The following AFF1 variants were observed in gnomAD, a reference collection of about 807,000 sequenced individuals.
AFF1 encodes ALF transcription elongation factor 1, also known as AF4/FMR2 family member 1.
AFF1 carries 48 observed loss-of-function variants against 121.7 expected under a neutral mutation model. That is an observed-to-expected ratio of 0.39 (90% CI 0.31 to 0.50). AFF1 has a LOEUF of 0.50. Among genes scored for constraint, AFF1 ranks in the 20% least tolerant of loss-of-function variants. The pLI, the probability that AFF1 is intolerant of heterozygous loss-of-function variation, is 0.76. For missense variants in AFF1, 1,523 were observed against 1,511.7 expected, an observed-to-expected ratio of 1.01 and a Z score of -0.12; for synonymous variants, 613 against 563.0, an observed-to-expected ratio of 1.09 and a Z score of -1.26.
chr4:87,010,951 C>G (rs1019611366), intron 2 of AFF1, among the ~76,000 whole-genome samples: 9 of 151,914 alleles, frequency 5.9e-5, no homozygotes, highest in African/African-American at 1.9e-4. Flanking sequence ...CGGTGGCGGG[C>G]GCCTGTAGTC....
chr4:87,091,966 T>A, intron 7 of AFF1, 137 bp downstream of exon 7: 3 of 672,996 alleles, frequency 4.5e-6, no homozygotes, highest in Non-Finnish European at 7.7e-6. Context: ...GGAGAACAAA[T>A]ATAAAACTAT....
rs142147018 is a variant in AFF1, at chr4:87,126,804, G to A, written c.2812-222G>A. Among the ~76,000 whole-genome samples, 714 of 152,302 alleles carry A rather than the reference G, an allele frequency of 4.7e-3. 4 individuals carry two copies. Among genetic ancestry groups the A allele is most frequent in the Middle Eastern group, 0.017 (5 of 294 alleles). ...TTATGTGTGGCTTTGTGAGTTCTCTGATCTCTTGGACATTCTAGTCTTTTT... is the reference window on the plus strand; with the variant it reads ...TTATGTGTGGCTTTGTGAGTTCTCTAATCTCTTGGACATTCTAGTCTTTTT... On this transcript the variant is annotated intron_variant, in intron 14 of 20. Transcript: ENST00000395146.
Position 87,046,769 on chromosome 4 carries a change from TA to T in AFF1, c.235del (p.Ser79ValfsTer23). 1 of 1,614,220 alleles carries T rather than the reference TA, an allele frequency of 6.2e-7. No homozygotes were observed. The highest frequency in any genetic ancestry group is 8.5e-7 in the Non-Finnish European group (1 of 1,180,030). ...GNYEEVKEFLSTKSHTHRLDA... is the reference protein window; with the variant it reads ...GNYEEVKEFLXTKSHTHRLDA... The stretch of plus-strand genomic sequence containing the variant: ...ACTACGAAGAAGTGAAGGAGTTCCT[TA>T]GTACTAAGTCTCACACTCATCGCCT... On this transcript the variant is annotated frameshift_variant, in exon 4 of 21. Coordinates refer to ENST00000395146, the MANE Select transcript of AFF1 (RefSeq NM_001166693.3). LOFTEE classifies it high-confidence loss of function.
At chr4:87,077,937 G>T (rs1722834434) in intron 4 of AFF1, among the ~76,000 whole-genome samples, 2 of 152,272 alleles carry the variant, frequency 1.3e-5, no homozygotes, top group Admixed American at 1.3e-4. Context: ...TGCAAACTAG[G>T]CTGAAGTGAA....
intron 11 of AFF1, among the ~76,000 whole-genome samples, chr4:87,110,081 C>G (rs1726308747): frequency 6.6e-6 from 1 of 152,136 alleles, no homozygotes; most frequent in Non-Finnish European, 1.5e-5. Flanking sequence ...GCTGTACATA[C>G]AGATATTAAT....
intron 2 of AFF1, among the ~76,000 whole-genome samples, chr4:86,992,429 TCTAAGATTGTTA>T (rs1278658987): frequency 2.6e-5 from 4 of 152,204 alleles, no homozygotes; most frequent in Non-Finnish European, 5.9e-5. Context: ...GACTGTGGTA[TCTAAGATTGTTA>T]CTAAGTGTCT....
intron 14 of AFF1, 59 bp downstream of exon 14, chr4:87,126,395 C>G (rs1469925019): frequency 2.0e-6 from 3 of 1,508,238 alleles, no homozygotes; most frequent in Middle Eastern, 1.8e-4. Context: ...CTTTACGTTC[C>G]CAAAGAAGAC....
At chr4:87,035,062 G>A (rs1342350987) in intron 2 of AFF1, among the ~76,000 whole-genome samples, 2 of 152,164 alleles carry the variant, frequency 1.3e-5, no homozygotes, top group Non-Finnish European at 2.9e-5. Context: ...AAATATAAAC[G>A]TAGACAGCCT....
intron 2 of AFF1, among the ~76,000 whole-genome samples, chr4:87,045,599 TAA>T (rs1215449310): frequency 6.6e-6 from 1 of 152,288 alleles, no homozygotes; most frequent in African/African-American, 2.4e-5. Context: ...AAATGAGAAA[TAA>T]AAATCATTTT....
intron 4 of AFF1, among the ~76,000 whole-genome samples, chr4:87,051,621 C>T (rs1731267498): frequency 2.0e-5 from 3 of 151,970 alleles, no homozygotes; most frequent in Non-Finnish European, 2.9e-5. Flanking sequence ...CCACCATGCC[C>T]GGCTAATTTT....
chr4:86,958,507 T>G (rs1422436366), intron 2 of AFF1, among the ~76,000 whole-genome samples: 2 of 151,742 alleles, frequency 1.3e-5, no homozygotes, highest in Non-Finnish European at 2.9e-5. Context: ...CACCTGAGGG[T>G]CAGGAGTTCG....
Position 87,135,807 on chromosome 4 carries a change from A to C in AFF1, c.*106A>C, listed in dbSNP as rs962476762. 4 of 1,402,482 alleles carry C rather than the reference A, an allele frequency of 2.9e-6. No homozygotes were observed. The African/African-American group carries it at 5.8e-5, about 20-fold the overall frequency. 86.9% of individuals were successfully genotyped at this position (1,402,482 alleles called of 1,614,324 possible). ...ATCAGGACACCAAACTCTAAAAAAG[A>C]AGCACCACGAGATGGCCAGGACATT... is the stretch of plus-strand genomic sequence containing the variant. On this transcript the variant is annotated 3_prime_UTR_variant, in exon 21 of 21. Coordinates refer to ENST00000395146, the MANE Select transcript of AFF1 (RefSeq NM_001166693.3).
At chr4:87,083,998 A>G in intron 4 of AFF1, 122 bp from the exon 5 acceptor site, 1 of 855,226 alleles carries the variant, frequency 1.2e-6, no homozygotes, top group Non-Finnish European at 1.9e-6. Flanking sequence ...AAAGTTCTTA[A>G]TACTTAGCTA....
chr4:86,979,377 G>T (rs1723554451), intron 2 of AFF1, among the ~76,000 whole-genome samples: 1 of 152,178 alleles, frequency 6.6e-6, no homozygotes, highest in African/African-American at 2.4e-5. Context: ...GGGATTACAG[G>T]GATGAGCCAC....
chr4:86,996,222 T>G (rs1297150899), intron 2 of AFF1, among the ~76,000 whole-genome samples: 2 of 151,814 alleles, frequency 1.3e-5, no homozygotes, highest in African/African-American at 4.8e-5. Flanking sequence ...GTCTGGGAGG[T>G]GTACCCAACA....
intron 1 of AFF1, among the ~76,000 whole-genome samples, chr4:86,940,220 A>G (rs1720352640): frequency 6.6e-6 from 1 of 152,208 alleles, no homozygotes; most frequent in African/African-American, 2.4e-5. Flanking sequence ...CTAACCTGCC[A>G]CAGTTTCATG....
chr4:87,029,920 G>T (rs1169789146), intron 2 of AFF1, among the ~76,000 whole-genome samples: 4 of 152,112 alleles, frequency 2.6e-5, no homozygotes, highest in African/African-American at 9.7e-5. Flanking sequence ...TGCCTGCTTG[G>T]CACACTTTCC....
intron 2 of AFF1, among the ~76,000 whole-genome samples, chr4:86,998,510 C>A (rs918970014): frequency 6.6e-6 from 1 of 152,156 alleles, no homozygotes; most frequent in Non-Finnish European, 1.5e-5. Flanking sequence ...TCTGACTGTT[C>A]CATTCAGAGA....
chr4:87,020,315 G>T (rs982484159), intron 2 of AFF1, among the ~76,000 whole-genome samples: 13 of 152,174 alleles, frequency 8.5e-5, no homozygotes, highest in African/African-American at 3.1e-4. Flanking sequence ...ATGTAAGAAA[G>T]AACGTATTTG....
Sources: allele counts gnomAD v4.1 joint callset (sites outside exome capture counted in the v4.1 genomes callset), GRCh38; gene constraint gnomAD v4.1.1; transcripts MANE v1.5; gene names NCBI Gene and HGNC (gene_info 2026-07-23, HGNC 2026-07-21).